CDKAL1: variants seen among roughly 807,000 people sequenced by gnomAD.
The protein encoded by CDKAL1 is CDKAL1 threonylcarbamoyladenosine tRNA methylthiotransferase, also known as threonylcarbamoyladenosine tRNA methylthiotransferase.
CDKAL1 carries 32 observed loss-of-function variants against 68.2 expected under a neutral mutation model. The ratio of observed to expected loss-of-function variants is 0.47; its 90% CI spans 0.35 to 0.63. CDKAL1 has a LOEUF of 0.63. Ranked by LOEUF, CDKAL1 falls within the 30% of genes least tolerant of loss-of-function variation. The probability of loss-of-function intolerance (pLI) is 0.00; values close to 1 mark genes in which losing one functional copy is unlikely to be tolerated. For missense variants in CDKAL1, 606 were observed against 696.7 expected, an observed-to-expected ratio of 0.87 and a Z score of 1.47; for synonymous variants, 234 against 244.3, an observed-to-expected ratio of 0.96 and a Z score of 0.39.
At position 21,091,210 on chromosome 6, in the gene CDKAL1, T is replaced by G. The variant is rs141073589; in HGVS notation, c.1237-17191T>G. Reference sequence around the variant, plus strand: ...TAGAGATTTTTAGTACAGGAGTTATTAACCCACAAATATAAAGAGGACAGG... The same window carrying G: ...TAGAGATTTTTAGTACAGGAGTTATGAACCCACAAATATAAAGAGGACAGG... On this transcript the variant is annotated intron_variant, in intron 12 of 15. Coordinates refer to ENST00000274695, the MANE Select transcript of CDKAL1 (RefSeq NM_017774.3). Among the ~76,000 whole-genome samples the G allele has an allele frequency of 7.6e-3, 1,151 of 152,254 alleles. 18 individuals are homozygous for G. The highest frequency in any genetic ancestry group is 0.026 in the African/African-American group (1,089 of 41,540).
chr6:21,134,859 A>G (rs1451872192), intron 13 of CDKAL1, among the ~76,000 whole-genome samples: 1 of 152,186 alleles, frequency 6.6e-6, no homozygotes, highest in Non-Finnish European at 1.5e-5. Flanking sequence ...TAAAATTAGT[A>G]CTTTAATGTC....
intron 11 of CDKAL1, among the ~76,000 whole-genome samples, chr6:21,045,537 G>T (rs114195129): frequency 0.011 from 1,743 of 152,268 alleles, 43 homozygotes; most frequent in African/African-American, 0.04. Context: ...GAAAATGTGC[G>T]TGATGAAATC....
chr6:20,862,749 A>C (rs1759712141), intron 9 of CDKAL1, among the ~76,000 whole-genome samples: 1 of 152,188 alleles, frequency 6.6e-6, no homozygotes, highest in Non-Finnish European at 1.5e-5. Flanking sequence ...CACTGAGGCC[A>C]GGCAAAGTGG....
rs1393898676 is a variant in CDKAL1, at chr6:20,613,241, A to ATTTC, written c.287-36044_287-36041dup. Reference sequence around the variant, plus strand: ...CCTTGTTTTATCAGTTCATCACAAAATTTCTTTCTTTTTTTTTTTTTTTTT... The same window carrying ATTTC: ...CCTTGTTTTATCAGTTCATCACAAAATTTCTTTCTTTCTTTTTTTTTTTTTTTTT... On this transcript the variant is annotated intron_variant, in intron 4 of 15. Transcript: ENST00000274695. Among the ~76,000 whole-genome samples the ATTTC allele has an allele frequency of 2.7e-3, 253 of 92,366 alleles. 44 individuals carry two copies. Among genetic ancestry groups the ATTTC allele is most frequent in the Non-Finnish European group, 2.4e-3 (107 of 43,812 alleles). 60.6% of individuals were successfully genotyped at this position (92,366 alleles called of 152,430 possible). A position where few individuals can be genotyped will look rare whatever the true frequency, so the allele number is the denominator to read the frequency against.
intron 15 of CDKAL1, 66 bp downstream of exon 15, chr6:21,201,340 C>T (rs1326084720): frequency 7.2e-7 from 1 of 1,380,168 alleles, no homozygotes; most frequent in African/African-American, 1.4e-5. Flanking sequence ...CACAGTGATT[C>T]CAGGCCATGT....
intron 4 of CDKAL1, among the ~76,000 whole-genome samples, chr6:20,638,094 G>A (rs1228993685): frequency 6.6e-6 from 1 of 152,110 alleles, no homozygotes; most frequent in Non-Finnish European, 1.5e-5. Flanking sequence ...ATATGCACCT[G>A]CCATTTCAGT....
At chr6:20,833,799 G>A (rs1230395282) in intron 8 of CDKAL1, among the ~76,000 whole-genome samples, 1 of 152,020 alleles carries the variant, frequency 6.6e-6, no homozygotes, top group East Asian at 1.9e-4. Flanking sequence ...GCCACATCTG[G>A]GGTTGCTTTT....
At chr6:20,735,223 A>C (rs2150318490) in intron 5 of CDKAL1, among the ~76,000 whole-genome samples, 1 of 152,222 alleles carries the variant, frequency 6.6e-6, no homozygotes, top group East Asian at 1.9e-4. Context: ...CAGTGGGTAC[A>C]TGTGCAGATT....
At chr6:20,748,724 A>G (rs1233967875) in intron 6 of CDKAL1, among the ~76,000 whole-genome samples, 2 of 149,372 alleles carry the variant, frequency 1.3e-5, no homozygotes, top group East Asian at 3.9e-4. Context: ...TTTTTTCAAC[A>G]AGCCCACCAA....
chr6:21,212,037 A>G (rs1204385691), intron 15 of CDKAL1, among the ~76,000 whole-genome samples: 1 of 152,130 alleles, frequency 6.6e-6, no homozygotes, highest in Non-Finnish European at 1.5e-5. Context: ...CTGGGATTAC[A>G]GGTGTGAGCC....
At chr6:21,072,863 T>C (rs1771867370) in intron 12 of CDKAL1, among the ~76,000 whole-genome samples, 1 of 152,192 alleles carries the variant, frequency 6.6e-6, no homozygotes, top group African/African-American at 2.4e-5. Context: ...ATAGTTTACA[T>C]TAGGATTGAT....
intron 9 of CDKAL1, among the ~76,000 whole-genome samples, chr6:20,914,091 C>T (rs1165680063): frequency 1.3e-5 from 2 of 152,098 alleles, no homozygotes; most frequent in Non-Finnish European, 2.9e-5. Flanking sequence ...AGCTCGAGAC[C>T]ACCCTGGCTA....
At chr6:20,814,930 G>C (rs1397864285) in intron 8 of CDKAL1, among the ~76,000 whole-genome samples, 1 of 152,044 alleles carries the variant, frequency 6.6e-6, no homozygotes, top group Non-Finnish European at 1.5e-5. Flanking sequence ...ATGCTTTCTT[G>C]GGGTTCCCCA....
intron 12 of CDKAL1, among the ~76,000 whole-genome samples, chr6:21,102,227 A>G (rs1225620611): frequency 6.6e-6 from 1 of 152,104 alleles, no homozygotes; most frequent in Non-Finnish European, 1.5e-5. Context: ...CAGTTCTTTT[A>G]CCGTGCTTTT....
chr6:20,776,009 A>G (rs1361965994), intron 7 of CDKAL1, among the ~76,000 whole-genome samples: 1 of 152,178 alleles, frequency 6.6e-6, no homozygotes, highest in African/African-American at 2.4e-5. Flanking sequence ...TAAAAAAAAA[A>G]ACAGACTATT....
intron 4 of CDKAL1, among the ~76,000 whole-genome samples, chr6:20,597,445 C>T (rs953661771): frequency 1.8e-4 from 27 of 150,958 alleles, no homozygotes; most frequent in African/African-American, 6.6e-4. Context: ...GGCAGAGTCT[C>T]ACTCTTTGAA....
chr6:20,858,241 A>G (rs1759438067), intron 9 of CDKAL1, among the ~76,000 whole-genome samples: 1 of 152,224 alleles, frequency 6.6e-6, no homozygotes, highest in South Asian at 2.1e-4. Flanking sequence ...AAGCCTGGGA[A>G]TGTTTATTTT....
intron 10 of CDKAL1, among the ~76,000 whole-genome samples, chr6:20,992,583 T>C (rs945158450): frequency 2.6e-5 from 4 of 152,134 alleles, no homozygotes; most frequent in Non-Finnish European, 5.9e-5. Flanking sequence ...TAAATTCCCA[T>C]GTTTTATTAT....
intron 14 of CDKAL1, among the ~76,000 whole-genome samples, chr6:21,200,564 GTA>G (rs1342966863): frequency 6.7e-4 from 102 of 152,326 alleles, no homozygotes; most frequent in Non-Finnish European, 4.4e-5. Flanking sequence ...CACTTGGAAA[GTA>G]TTAAAAGTAT....
Sources: allele counts gnomAD v4.1 joint callset (sites outside exome capture counted in the v4.1 genomes callset), GRCh38; gene constraint gnomAD v4.1.1; transcripts MANE v1.5; gene names NCBI Gene and HGNC (gene_info 2026-07-23, HGNC 2026-07-21).